The following PCDH15 variants were observed in gnomAD, a reference collection of about 807,000 sequenced individuals.
The protein encoded by PCDH15 is protocadherin-15.
PCDH15 carries 129 observed loss-of-function variants against 178.5 expected under a neutral mutation model. That is an observed-to-expected ratio of 0.72 (90% confidence interval 0.63 to 0.84). PCDH15 has a LOEUF of 0.84. Among genes scored for constraint, PCDH15 ranks in the 40% least tolerant of loss-of-function variants. The pLI, the probability that PCDH15 is intolerant of heterozygous loss-of-function variation, is 0.00. For missense variants in PCDH15, 2,230 were observed against 2,099.9 expected, an observed-to-expected ratio of 1.06 and a Z score of -1.21; for synonymous variants, 800 against 732.0, an observed-to-expected ratio of 1.09 and a Z score of -1.50.
chr10:55,599,653 T>C (rs1022458680), intron 2 of PCDH15: 1 of 268,554 alleles, frequency 3.7e-6, no homozygotes. Context: ...CAACCTAATA[T>C]TAACAAATGA....
chr10:54,543,366 A>G (rs1243845334), intron 2 of PCDH15, among the ~76,000 whole-genome samples: 1 of 152,154 alleles, frequency 6.6e-6, no homozygotes, highest in Non-Finnish European at 1.5e-5. Context: ...GCCCTGTAAC[A>G]CATGCCTACT....
At chr10:55,251,692 C>T (rs1841841153) in intron 1 of PCDH15, among the ~76,000 whole-genome samples, 1 of 152,078 alleles carries the variant, frequency 6.6e-6, no homozygotes, top group Non-Finnish European at 1.5e-5. Flanking sequence ...TGATGAATGT[C>T]CACAGGTCCA....
chr10:55,000,670 G>A (rs1839776659), intron 2 of PCDH15, among the ~76,000 whole-genome samples: 1 of 152,214 alleles, frequency 6.6e-6, no homozygotes, highest in African/African-American at 2.4e-5. Context: ...TATGTTCAGA[G>A]ATTGCAGTAA....
At chr10:55,624,631 C>T (rs1298051824) in intron 2 of PCDH15, among the ~76,000 whole-genome samples, 1 of 152,066 alleles carries the variant, frequency 6.6e-6, no homozygotes, top group Non-Finnish European at 1.5e-5. Context: ...TGTAAAATAG[C>T]ACTGTATATG....
At chr10:54,089,712 C>T (rs1002762593) in intron 16 of PCDH15, among the ~76,000 whole-genome samples, 2 of 152,150 alleles carry the variant, frequency 1.3e-5, no homozygotes, top group African/African-American at 2.4e-5. Flanking sequence ...TAGCTGACAA[C>T]ATTAAAAGGA....
intron 1 of PCDH15, among the ~76,000 whole-genome samples, chr10:54,753,867 T>TTTG (rs1555181663): frequency 1.3e-5 from 2 of 148,744 alleles, no homozygotes; most frequent in African/African-American, 2.5e-5. Context: ...TTGTTTTTTT[T>TTTG]TTGTTGTTGT....
chr10:54,218,784 T>C (rs190779099), intron 9 of PCDH15, among the ~76,000 whole-genome samples: 2 of 152,246 alleles, frequency 1.3e-5, no homozygotes, highest in Admixed American at 1.3e-4. Flanking sequence ...AATATGTTAT[T>C]TGATTAAGTG....
chr10:55,142,327 A>T (rs1454141399), intron 2 of PCDH15, among the ~76,000 whole-genome samples: 2 of 152,102 alleles, frequency 1.3e-5, no homozygotes, highest in African/African-American at 4.8e-5. Context: ...AGATTGGCTG[A>T]AAAGTAAACA....
chr10:54,566,182 T>C (rs1429044304), intron 2 of PCDH15, among the ~76,000 whole-genome samples: 1 of 152,170 alleles, frequency 6.6e-6, no homozygotes, highest in Non-Finnish European at 1.5e-5. Context: ...ATTTGAAGAA[T>C]TTTCTTCACA....
intron 13 of PCDH15, among the ~76,000 whole-genome samples, chr10:54,182,551 AT>A (rs1456344617): frequency 2.0e-5 from 3 of 151,550 alleles, no homozygotes; most frequent in African/African-American, 7.3e-5. Flanking sequence ...GAAATAACTT[AT>A]TTAAGTGTAA....
intron 32 of PCDH15, chr10:53,822,756 G>T: frequency 6.2e-7 from 1 of 1,614,026 alleles, no homozygotes; most frequent in Non-Finnish European, 8.5e-7. Flanking sequence ...AGAGTCTGAA[G>T]AGAGAGATTT....
At chr10:54,133,512 A>G (rs981598694) in intron 14 of PCDH15, among the ~76,000 whole-genome samples, 1 of 152,198 alleles carries the variant, frequency 6.6e-6, no homozygotes, top group Non-Finnish European at 1.5e-5. Context: ...TCAGGATCAT[A>G]AAGAATCCTA....
At chr10:55,322,267 C>T (rs1171592170), upstream of PCDH15, among the ~76,000 whole-genome samples, 2 of 152,152 alleles carry the variant, frequency 1.3e-5, no homozygotes, top group Non-Finnish European at 2.9e-5. Flanking sequence ...ATTGTGAGGC[C>T]TCCCCAGCCA....
At chr10:53,832,346 TAGC>T (rs2077063360) in intron 29 of PCDH15, among the ~76,000 whole-genome samples, 2 of 152,004 alleles carry the variant, frequency 1.3e-5, no homozygotes, top group African/African-American at 2.4e-5. Flanking sequence ...ATATCATAAT[TAGC>T]AGGTGATTTT....
intron 13 of PCDH15, among the ~76,000 whole-genome samples, chr10:54,172,927 T>C (rs554252169): frequency 3.7e-4 from 56 of 152,268 alleles, no homozygotes; most frequent in Non-Finnish European, 7.2e-4. Flanking sequence ...TGTTTACAAA[T>C]GAGTTTTCTT....
chr10:55,527,658 C>G, intron 2 of PCDH15, among the ~76,000 whole-genome samples: 1 of 151,732 alleles, frequency 6.6e-6, no homozygotes, highest in East Asian at 1.9e-4. Flanking sequence ...TTAAGTCAAA[C>G]TTAATATCAA....
At chr10:54,032,110 T>A (rs1467577985) in intron 18 of PCDH15, among the ~76,000 whole-genome samples, 2 of 151,970 alleles carry the variant, frequency 1.3e-5, no homozygotes, top group African/African-American at 4.8e-5. Context: ...CTCATCTTTT[T>A]CTCTGTGGGC....
intron 20 of PCDH15, among the ~76,000 whole-genome samples, chr10:54,012,705 G>A (rs998299972): frequency 5.3e-5 from 8 of 151,960 alleles, no homozygotes; most frequent in Non-Finnish European, 1.0e-4. Flanking sequence ...GAGCTTCATA[G>A]GCAAAAAAGA....
intron 2 of PCDH15, among the ~76,000 whole-genome samples, chr10:55,137,046 T>C (rs1175522812): frequency 3.9e-5 from 6 of 152,180 alleles, no homozygotes; most frequent in Non-Finnish European, 8.8e-5. Flanking sequence ...TTTAATTCCC[T>C]AATGTATTTT....
Sources: allele counts gnomAD v4.1 joint callset (sites outside exome capture counted in the v4.1 genomes callset), GRCh38; gene constraint gnomAD v4.1.1; transcripts MANE v1.5; gene names NCBI Gene and HGNC (gene_info 2026-07-23, HGNC 2026-07-21).